MAP3K7: variants seen among roughly 807,000 people sequenced by gnomAD.
The protein encoded by MAP3K7 is TGF-beta activated kinase 1.
In MAP3K7, 21 loss-of-function variants were observed where a neutral mutation model predicts 84.8. The observed-to-expected ratio is 0.25, with a 90% CI of 0.18 to 0.36. The LOEUF (loss-of-function observed/expected upper bound fraction) is 0.36, where lower values mean the gene tolerates loss of function less well. Ranked by LOEUF, MAP3K7 falls within the 10% of genes least tolerant of loss-of-function variation. MAP3K7 has a pLI of 1.00. For synonymous variants in MAP3K7, 241 were observed against 247.7 expected (o/e 0.97, Z 0.25); for missense variants, 503 against 747.7 (o/e 0.67, Z 3.82).
intron 3 of MAP3K7, among the ~76,000 whole-genome samples, chr6:90,566,731 C>T (rs1351329321): frequency 2.0e-5 from 3 of 152,072 alleles, no homozygotes; most frequent in Non-Finnish European, 2.9e-5. Context: ...TCATATGGAA[C>T]CAAAAAAGAG....
chr6:90,541,760 G>C (rs990103678), intron 12 of MAP3K7, among the ~76,000 whole-genome samples: 2 of 151,960 alleles, frequency 1.3e-5, no homozygotes, highest in African/African-American at 4.8e-5. Flanking sequence ...TACACATTTT[G>C]AAGAGCGAGC....
intron 16 of MAP3K7, among the ~76,000 whole-genome samples, chr6:90,516,893 G>A (rs1774981677): frequency 6.6e-6 from 1 of 151,872 alleles, no homozygotes; most frequent in African/African-American, 2.4e-5. Context: ...TTAAGTAACT[G>A]TACTTGGATA....
intron 6 of MAP3K7, among the ~76,000 whole-genome samples, chr6:90,554,057 T>G (rs1323089824): frequency 1.3e-5 from 2 of 152,106 alleles, no homozygotes; most frequent in South Asian, 2.1e-4. Flanking sequence ...AGGCATGCGC[T>G]GGCACAACTG....
chr6:90,539,692 A>T (rs1775794708), intron 12 of MAP3K7, among the ~76,000 whole-genome samples: 1 of 151,828 alleles, frequency 6.6e-6, no homozygotes, highest in African/African-American at 2.4e-5. Flanking sequence ...CTGGTGGAGA[A>T]AGCAAAATAG....
At chr6:90,573,261 G>A (rs1160399178) in intron 1 of MAP3K7, among the ~76,000 whole-genome samples, 1 of 152,170 alleles carries the variant, frequency 6.6e-6, no homozygotes, top group Non-Finnish European at 1.5e-5. Context: ...TCGGGAAGTA[G>A]AAGTTAGTAT....
intron 14 of MAP3K7, among the ~76,000 whole-genome samples, chr6:90,520,960 T>G (rs2127955778): frequency 6.6e-6 from 1 of 152,228 alleles, no homozygotes; most frequent in East Asian, 1.9e-4. Flanking sequence ...CACTGATACA[T>G]TATATATCTC....
At chr6:90,529,838 T>C (rs972445724) in intron 13 of MAP3K7, among the ~76,000 whole-genome samples, 1 of 152,180 alleles carries the variant, frequency 6.6e-6, no homozygotes, top group Admixed American at 6.5e-5. Context: ...ATATTGTACT[T>C]CCCAGGATCT....
chr6:90,521,257 CGT>C (rs59945419), intron 14 of MAP3K7, among the ~76,000 whole-genome samples: 2,600 of 148,536 alleles, frequency 0.018, 78 homozygotes, highest in African/African-American at 0.059. Flanking sequence ...AAGTTTTTTG[CGT>C]GTGTGTGTGT....
intron 3 of MAP3K7, among the ~76,000 whole-genome samples, chr6:90,562,640 T>A (rs1299561556): frequency 6.6e-6 from 1 of 152,164 alleles, no homozygotes; most frequent in African/African-American, 2.4e-5. Flanking sequence ...AGACTCCACC[T>A]CTGGGGGCAG....
chr6:90,524,424 A>G (rs549564315), intron 13 of MAP3K7, among the ~76,000 whole-genome samples: 1 of 152,336 alleles, frequency 6.6e-6, no homozygotes, highest in South Asian at 2.1e-4. Context: ...GAAGCTCACA[A>G]ATTGAGTTCA....
intron 13 of MAP3K7, among the ~76,000 whole-genome samples, chr6:90,524,002 C>CT (rs1321378876): frequency 1.3e-5 from 2 of 152,152 alleles, no homozygotes; most frequent in Non-Finnish European, 2.9e-5. Context: ...AAGAAATACT[C>CT]TGAGATTAGA....
intron 5 of MAP3K7, among the ~76,000 whole-genome samples, chr6:90,558,076 A>G (rs748636483): frequency 2.8e-4 from 42 of 152,122 alleles, no homozygotes; most frequent in Non-Finnish European, 4.3e-4. Flanking sequence ...TAATCCCAGC[A>G]CTTTGGGAGG....
chr6:90,543,384 G>A (rs1775912194), intron 12 of MAP3K7, among the ~76,000 whole-genome samples: 1 of 151,982 alleles, frequency 6.6e-6, no homozygotes, highest in Non-Finnish European at 1.5e-5. Context: ...TCATATTTTT[G>A]TATGCTAGTT....
At chr6:90,537,178 T>C (rs1775708131) in intron 12 of MAP3K7, 1 of 152,020 alleles carries the variant, frequency 6.6e-6, no homozygotes, top group African/African-American at 2.4e-5. Context: ...ATAAAGCTGT[T>C]TATGCAGTAT....
intron 13 of MAP3K7, among the ~76,000 whole-genome samples, chr6:90,525,019 GAAAGA>G (rs1481837153): frequency 2.0e-5 from 3 of 146,536 alleles, no homozygotes; most frequent in South Asian, 2.1e-4. Flanking sequence ...CTCAAAACTT[GAAAGA>G]AAAGAAAGAG....
intron 11 of MAP3K7, 78 bp downstream of exon 11, chr6:90,547,180 A>T (rs1223989744): frequency 2.0e-6 from 3 of 1,527,146 alleles, no homozygotes; most frequent in Non-Finnish European, 1.8e-6. Context: ...CACACAAAAA[A>T]CCTTTGACAA....
chr6:90,564,021 C>G (rs966040990), intron 3 of MAP3K7, among the ~76,000 whole-genome samples: 2 of 152,090 alleles, frequency 1.3e-5, no homozygotes, highest in African/African-American at 4.8e-5. Flanking sequence ...CAAATGCTGA[C>G]AGATTTTGTC....
intron 6 of MAP3K7, among the ~76,000 whole-genome samples, chr6:90,555,906 C>T (rs1292595992): frequency 2.0e-5 from 3 of 152,164 alleles, no homozygotes; most frequent in Non-Finnish European, 4.4e-5. Context: ...GATAATTTAA[C>T]ATATGTATAT....
chr6:90,558,760 T>A (rs1344419196), intron 5 of MAP3K7, among the ~76,000 whole-genome samples: 1 of 152,240 alleles, frequency 6.6e-6, no homozygotes, highest in African/African-American at 2.4e-5. Flanking sequence ...TGGAAATGAC[T>A]TCCTTTTGTA....
Sources: gnomAD v4.1 joint callset for allele counts (sites outside exome capture counted in the v4.1 genomes callset) on GRCh38, gnomAD v4.1.1 for gene constraint, MANE v1.5 for transcripts, NCBI Gene and HGNC (gene_info 2026-07-23, HGNC 2026-07-21) for gene names.